The following CTNND2 variants were observed in gnomAD, a reference collection of about 807,000 sequenced individuals.
The protein encoded by CTNND2 is catenin delta-2.
Under a neutral mutation model 144.4 loss-of-function variants are expected in CTNND2, and 22 were observed. The ratio of observed to expected loss-of-function variants is 0.15; its 90% CI spans 0.11 to 0.22. The LOEUF is 0.22. Ranked by LOEUF, CTNND2 falls within the 10% of genes least tolerant of loss-of-function variation. CTNND2 has a pLI of 1.00. For synonymous variants in CTNND2, 751 were observed against 695.6 expected (o/e 1.08, Z -1.25); for missense variants, 1,353 against 1,618.8 (o/e 0.84, Z 2.82).
chr5:11,519,753 A>AAGGT lies in CTNND2; in HGVS notation c.287+45187_287+45190dup, dbSNP rs549474753. ...GTTGGATAAATAAATGGAAGGAAGG[A>AAGGT]AGGTAGGTAGGTAGGTAGGTAGAGG... is the stretch of plus-strand genomic sequence containing the variant. On this transcript the variant is annotated intron_variant, in intron 3 of 21. Coordinates refer to ENST00000304623, the MANE Select transcript of CTNND2 (RefSeq NM_001332.4). Among the ~76,000 whole-genome samples, 24 of 152,066 alleles carry AAGGT rather than the reference A, an allele frequency of 1.6e-4. No individual in the cohort carries two copies. The South Asian group carries it at 1.9e-3, about 12-fold the overall frequency.
intron 9 of CTNND2, among the ~76,000 whole-genome samples, chr5:11,259,340 C>G (rs26449): frequency 4.6e-5 from 7 of 151,938 alleles, no homozygotes; most frequent in Non-Finnish European, 8.8e-5. Flanking sequence ...CCAGCCACCA[C>G]GCCAAAAAAA....
chr5:11,120,479 G>C (rs1753990854), intron 12 of CTNND2, among the ~76,000 whole-genome samples: 1 of 149,798 alleles, frequency 6.7e-6, no homozygotes, highest in Non-Finnish European at 1.5e-5. Flanking sequence ...ACTTCAAGAG[G>C]GGGTTATCAT....
chr5:11,325,402 A>G (rs907296243), intron 9 of CTNND2, among the ~76,000 whole-genome samples: 1 of 152,126 alleles, frequency 6.6e-6, no homozygotes, highest in African/African-American at 2.4e-5. Flanking sequence ...ACAACTGATC[A>G]AGACATATAT....
chr5:11,164,339 G>A (rs996835735), intron 11 of CTNND2, among the ~76,000 whole-genome samples: 17 of 152,222 alleles, frequency 1.1e-4, no homozygotes, highest in African/African-American at 3.4e-4. Context: ...AGTCTACTAC[G>A]TATCCCTTCA....
chr5:11,852,961 C>T (rs1245565717), intron 1 of CTNND2, among the ~76,000 whole-genome samples: 2 of 152,156 alleles, frequency 1.3e-5, no homozygotes, highest in Admixed American at 6.5e-5. Flanking sequence ...CTCTGTGTCT[C>T]TCTTTTGATG....
At chr5:11,702,228 G>T (rs1785474152) in intron 2 of CTNND2, among the ~76,000 whole-genome samples, 1 of 152,164 alleles carries the variant, frequency 6.6e-6, no homozygotes, top group Non-Finnish European at 1.5e-5. Context: ...TACCACAAGG[G>T]TTTGTGGTTG....
At chr5:11,607,017 A>T (rs1424720669) in intron 2 of CTNND2, among the ~76,000 whole-genome samples, 3 of 152,214 alleles carry the variant, frequency 2.0e-5, no homozygotes, top group Non-Finnish European at 2.9e-5. Flanking sequence ...TGTAAAAAGG[A>T]GAAATTTAGA....
intron 9 of CTNND2, among the ~76,000 whole-genome samples, chr5:11,241,442 A>G (rs1435237148): frequency 6.6e-6 from 1 of 152,230 alleles, no homozygotes; most frequent in African/African-American, 2.4e-5. Context: ...CTGGCCTTAA[A>G]CCAGCTTCCC....
chr5:11,469,672 T>C (rs762171703), intron 3 of CTNND2, among the ~76,000 whole-genome samples: 1 of 152,236 alleles, frequency 6.6e-6, no homozygotes, highest in Non-Finnish European at 1.5e-5. Context: ...TCCACCCTTG[T>C]AGATGCCCAC....
intron 1 of CTNND2, among the ~76,000 whole-genome samples, chr5:11,741,713 T>C (rs1200784608): frequency 6.7e-6 from 1 of 149,802 alleles, no homozygotes; most frequent in Non-Finnish European, 1.5e-5. Context: ...GAACTTAAAG[T>C]ATAATAAAAA....
intron 9 of CTNND2, among the ~76,000 whole-genome samples, chr5:11,289,105 A>G (rs777015392): frequency 1.7e-4 from 26 of 152,158 alleles, no homozygotes; most frequent in Non-Finnish European, 2.6e-4. Flanking sequence ...CTGTGCTCCC[A>G]GGCCACTATC....
intron 2 of CTNND2, among the ~76,000 whole-genome samples, chr5:11,575,014 T>C (rs559778908): frequency 6.6e-6 from 1 of 152,338 alleles, no homozygotes; most frequent in East Asian, 1.9e-4. Flanking sequence ...AATTTTACAG[T>C]GATGAATCAC....
At chr5:11,179,310 A>G (rs1010861333) in intron 11 of CTNND2, among the ~76,000 whole-genome samples, 4 of 151,580 alleles carry the variant, frequency 2.6e-5, no homozygotes, top group Admixed American at 2.0e-4. Flanking sequence ...AGCACAAAAA[A>G]CAAAAAAACA....
chr5:11,382,251 T>A (rs1201804141), intron 7 of CTNND2, among the ~76,000 whole-genome samples: 1 of 152,236 alleles, frequency 6.6e-6, no homozygotes, highest in Non-Finnish European at 1.5e-5. Flanking sequence ...TTTGGCTGAT[T>A]TCTTATCCCT....
chr5:11,808,029 C>T (rs1792104252), intron 1 of CTNND2, among the ~76,000 whole-genome samples: 1 of 152,060 alleles, frequency 6.6e-6, no homozygotes, highest in African/African-American at 2.4e-5. Context: ...GAGGGTACCA[C>T]AAGACATATG....
intron 19 of CTNND2, among the ~76,000 whole-genome samples, chr5:10,991,315 T>C (rs778105393): frequency 6.6e-6 from 1 of 152,192 alleles, no homozygotes; most frequent in Non-Finnish European, 1.5e-5. Context: ...TACCAGGTCC[T>C]CCCAGGTGTC....
chr5:11,310,192 A>C (rs1029021938), intron 9 of CTNND2, among the ~76,000 whole-genome samples: 6 of 152,080 alleles, frequency 3.9e-5, no homozygotes, highest in Non-Finnish European at 5.9e-5. Context: ...GTGGCTAGGG[A>C]GAAATAAATA....
At chr5:11,380,316 T>C (rs1015540711) in intron 7 of CTNND2, among the ~76,000 whole-genome samples, 2 of 152,186 alleles carry the variant, frequency 1.3e-5, no homozygotes, top group Non-Finnish European at 2.9e-5. Context: ...GTCTTCTTCC[T>C]TGCACACCCA....
intron 5 of CTNND2, among the ~76,000 whole-genome samples, chr5:11,403,224 C>G (rs760096489): frequency 2.0e-5 from 3 of 152,018 alleles, no homozygotes; most frequent in Non-Finnish European, 2.9e-5. Flanking sequence ...CTCCATCGGG[C>G]CTTGTATGTG....
Sources: allele counts gnomAD v4.1 joint callset (sites outside exome capture counted in the v4.1 genomes callset), GRCh38; gene constraint gnomAD v4.1.1; transcripts MANE v1.5; gene names NCBI Gene and HGNC (gene_info 2026-07-23, HGNC 2026-07-21).